The following SH3RF1 variants were observed in gnomAD, a reference collection of about 807,000 sequenced individuals.
The protein encoded by SH3RF1 is SH3 domain containing ring finger 1, also known as E3 ubiquitin-protein ligase SH3RF1.
Under a neutral mutation model 74.0 loss-of-function variants are expected in SH3RF1, and 32 were observed. The observed-to-expected ratio is 0.43, with a 90% confidence interval of 0.33 to 0.58. The LOEUF (loss-of-function observed/expected upper bound fraction) is 0.58, where lower values mean the gene tolerates loss of function less well. Among genes scored for constraint, SH3RF1 ranks in the 20% least tolerant of loss-of-function variants. SH3RF1 has a pLI of 0.05. For missense variants in SH3RF1, 954 were observed against 1,130.9 expected (o/e 0.84, Z 2.24); for synonymous variants, 396 against 439.6 (o/e 0.90, Z 1.24).
chr4:169,117,853 A>G (rs1733364114), intron 8 of SH3RF1, 71 bp from the exon 9 acceptor site: 4 of 1,527,810 alleles, frequency 2.6e-6, no homozygotes, highest in Non-Finnish European at 3.5e-6. Flanking sequence ...ATTAAATGCA[A>G]GAAAAATGAC....
chr4:169,251,527 A>T (rs1432440387), intron 2 of SH3RF1, among the ~76,000 whole-genome samples: 3 of 152,194 alleles, frequency 2.0e-5, no homozygotes, highest in Admixed American at 2.0e-4. Flanking sequence ...ACAGAAGCAT[A>T]CTGTCTTTCA....
At chr4:169,171,577 CA>C (rs1734328202) in intron 2 of SH3RF1, among the ~76,000 whole-genome samples, 1 of 152,196 alleles carries the variant, frequency 6.6e-6, no homozygotes, top group African/African-American at 2.4e-5. Flanking sequence ...AAAGGCTTTA[CA>C]TTTCTAAGGG....
At chr4:169,149,867 G>C (rs560205083) in intron 4 of SH3RF1, among the ~76,000 whole-genome samples, 6 of 152,268 alleles carry the variant, frequency 3.9e-5, no homozygotes, top group African/African-American at 1.2e-4. Context: ...CAAGAGGAAA[G>C]GCTTTTAGTT....
At chr4:169,165,835 G>A (rs1216981382) in intron 2 of SH3RF1, among the ~76,000 whole-genome samples, 3 of 152,126 alleles carry the variant, frequency 2.0e-5, no homozygotes, top group African/African-American at 4.8e-5. Context: ...AGACAAAAGC[G>A]TCAAGGCAAT....
chr4:169,212,057 C>CTTTTTTTTTTTTTTTTTTTTTTT (rs34108534), intron 2 of SH3RF1, among the ~76,000 whole-genome samples: 35 of 48,258 alleles, frequency 7.3e-4, no homozygotes, highest in Admixed American at 1.8e-3. Flanking sequence ...CTTTTCTTTT[C>CTTTTTTTTTTTTTTTTTTTTTTT]TTTTTTTTTT....
At chr4:169,221,723 A>G (rs1730566925) in intron 2 of SH3RF1, among the ~76,000 whole-genome samples, 1 of 152,208 alleles carries the variant, frequency 6.6e-6, no homozygotes, top group African/African-American at 2.4e-5. Flanking sequence ...TAAATCCTAG[A>G]TGACAAAACA....
intron 3 of SH3RF1, among the ~76,000 whole-genome samples, chr4:169,156,185 T>C (rs572262755): frequency 6.6e-6 from 1 of 152,298 alleles, no homozygotes; most frequent in Admixed American, 6.5e-5. Flanking sequence ...TGATACCACA[T>C]AGAGCATCAA....
At chr4:169,181,710 G>A (rs1484855623) in intron 2 of SH3RF1, among the ~76,000 whole-genome samples, 2 of 152,136 alleles carry the variant, frequency 1.3e-5, no homozygotes, top group Admixed American at 6.6e-5. Context: ...ATACATTCAT[G>A]TCAATTTAAT....
At chr4:169,194,776 C>T (rs1385224634) in intron 2 of SH3RF1, among the ~76,000 whole-genome samples, 1 of 152,144 alleles carries the variant, frequency 6.6e-6, no homozygotes, top group African/African-American at 2.4e-5. Context: ...GTACCAGTCT[C>T]CCAAAGTGAT....
rs939358131 is a variant in SH3RF1, at chr4:169,136,578, G to A, written c.808C>T (p.Pro270Ser). 2.5e-6 allele frequency: 4 copies of A among 1,590,568 alleles called. No individual in the cohort carries two copies. The African/African-American group carries it at 5.4e-5, about 22-fold the overall frequency. Residue 270 changes from proline to serine, a missense_variant, in exon 5 of 12, where the codon CCT becomes TCT. By Grantham distance (74) the Pro-to-Ser change is moderately conservative. Coordinates refer to ENST00000284637, the MANE Select transcript of SH3RF1 (RefSeq NM_020870.4). Reference protein sequence around the residue: ...AKQLIEWDKPPVPGVDAGECS... With the variant: ...AKQLIEWDKPSVPGVDAGECS... ...TCTCCAGCATCAACTCCTGGCACAG[G>A]AGGCTTATCCCATTCTATCAGCTGC...
At chr4:169,226,368 C>T (rs1730653198) in intron 2 of SH3RF1, among the ~76,000 whole-genome samples, 1 of 152,098 alleles carries the variant, frequency 6.6e-6, no homozygotes, top group African/African-American at 2.4e-5. Context: ...CTTTTCATCA[C>T]AGTTGTCGTG....
At chr4:169,261,919 A>T (rs899300006) in intron 2 of SH3RF1, among the ~76,000 whole-genome samples, 2 of 152,140 alleles carry the variant, frequency 1.3e-5, no homozygotes, top group African/African-American at 4.8e-5. Flanking sequence ...GAAAAATACT[A>T]TGAGTATTTT....
chr4:169,197,217 C>T (rs1734828397), intron 2 of SH3RF1, among the ~76,000 whole-genome samples: 1 of 152,008 alleles, frequency 6.6e-6, no homozygotes, highest in Admixed American at 6.6e-5. Context: ...GGCTAGTCCG[C>T]TCTTGAGCTC....
intron 2 of SH3RF1, among the ~76,000 whole-genome samples, chr4:169,214,156 G>C (rs1730424034): frequency 6.6e-6 from 1 of 152,174 alleles, no homozygotes; most frequent in Non-Finnish European, 1.5e-5. Context: ...CACCTCTTAT[G>C]AGTAGCTTGG....
chr4:169,168,331 T>G (rs1734278566), intron 2 of SH3RF1, among the ~76,000 whole-genome samples: 1 of 152,172 alleles, frequency 6.6e-6, no homozygotes, highest in Non-Finnish European at 1.5e-5. Context: ...ACTCCTAGAA[T>G]CTGACCTTAT....
intron 2 of SH3RF1, among the ~76,000 whole-genome samples, chr4:169,164,055 C>T (rs1734193081): frequency 6.6e-6 from 1 of 152,222 alleles, no homozygotes; most frequent in Non-Finnish European, 1.5e-5. Flanking sequence ...CTTCTCCCAA[C>T]CTTCCTCTAC....
intron 2 of SH3RF1, among the ~76,000 whole-genome samples, chr4:169,186,087 T>C (rs1404406111): frequency 2.0e-5 from 3 of 151,938 alleles, no homozygotes; most frequent in African/African-American, 4.8e-5. Flanking sequence ...GAGTGTCACC[T>C]AGATGAAAGA....
At chr4:169,191,940 T>G (rs1451612315) in intron 2 of SH3RF1, among the ~76,000 whole-genome samples, 1 of 152,004 alleles carries the variant, frequency 6.6e-6, no homozygotes, top group East Asian at 1.9e-4. Flanking sequence ...TAAAAATTCT[T>G]GAAGATAACA....
chr4:169,195,789 C>G (rs943853863), intron 2 of SH3RF1, among the ~76,000 whole-genome samples: 12 of 152,062 alleles, frequency 7.9e-5, no homozygotes, highest in African/African-American at 1.4e-4. Context: ...CTTTTATACT[C>G]ACAAGTTCTC....
Sources: gnomAD v4.1 joint callset for allele counts (sites outside exome capture counted in the v4.1 genomes callset) on GRCh38, gnomAD v4.1.1 for gene constraint, MANE v1.5 for transcripts, NCBI Gene and HGNC (gene_info 2026-07-23, HGNC 2026-07-21) for gene names.